TCAIM: variants seen among roughly 807,000 people sequenced by gnomAD.
TCAIM encodes the protein T cell activation inhibitor, mitochondrial, also known as T-cell activation inhibitor, mitochondrial.
In TCAIM, 36 loss-of-function variants were observed where a neutral mutation model predicts 58.6. The ratio of observed to expected loss-of-function variants is 0.61; its 90% CI spans 0.47 to 0.81. The LOEUF (loss-of-function observed/expected upper bound fraction) is 0.81. Ranked by LOEUF, TCAIM falls within the 30% of genes least tolerant of loss-of-function variation. The probability of loss-of-function intolerance (pLI) is 0.00; values close to 1 mark genes in which losing one functional copy is unlikely to be tolerated. For synonymous variants in TCAIM, 172 were observed against 193.6 expected (o/e 0.89, Z 0.93); for missense variants, 466 against 579.6 (o/e 0.80, Z 2.01).
chr3:44,406,801 A>G (rs1243295163), intron 10 of TCAIM, among the ~76,000 whole-genome samples: 1 of 152,196 alleles, frequency 6.6e-6, no homozygotes. Flanking sequence ...GAATCCACTT[A>G]TCAAAACACT....
rs558681001 is a variant in TCAIM at position 44,368,956 on chromosome 3, G to A, written c.572+1248G>A. On this transcript the variant is annotated intron_variant, in intron 5 of 10. Coordinates refer to ENST00000342649, the MANE Select transcript of TCAIM (RefSeq NM_173826.4). Reference sequence around the variant, plus strand: ...GAAGATCCCTTGAGCACAGGAGTTTGAGGCTGCGGTGAACTATGATTGTGC... The same window carrying A: ...GAAGATCCCTTGAGCACAGGAGTTTAAGGCTGCGGTGAACTATGATTGTGC... 9.2e-5 allele frequency among the ~76,000 whole-genome samples: 14 copies of A among 152,304 alleles called. No homozygotes were observed. In the South Asian group the frequency reaches 2.7e-3, roughly 29 times the overall value.
chr3:44,395,548 G>A (rs1004198877), intron 6 of TCAIM, among the ~76,000 whole-genome samples: 2 of 152,210 alleles, frequency 1.3e-5, no homozygotes, highest in Non-Finnish European at 2.9e-5. Context: ...GACAGCACTC[G>A]AGACCGGTGC....
intron 4 of TCAIM, among the ~76,000 whole-genome samples, chr3:44,365,724 T>C (rs1575251688): frequency 1.3e-5 from 2 of 152,364 alleles, no homozygotes; most frequent in East Asian, 3.9e-4. Context: ...GTTCCATATC[T>C]GCATCATCTA....
intron 1 of TCAIM, among the ~76,000 whole-genome samples, chr3:44,347,789 G>A (rs1221181327): frequency 6.6e-6 from 1 of 152,156 alleles, no homozygotes; most frequent in South Asian, 2.1e-4. Flanking sequence ...AGCAGGGTAA[G>A]AGTGATTAGT....
chr3:44,385,380 C>T (rs1701722063), intron 5 of TCAIM, among the ~76,000 whole-genome samples: 1 of 152,116 alleles, frequency 6.6e-6, no homozygotes, highest in South Asian at 2.1e-4. Context: ...GATCCATATA[C>T]TTATTTAAAT....
At chr3:44,396,254 G>T in intron 6 of TCAIM, 146 bp from the exon 7 acceptor site, 3 of 577,476 alleles carry the variant, frequency 5.2e-6, no homozygotes, top group Non-Finnish European at 8.6e-6. Flanking sequence ...AGCTAGCTTA[G>T]AAACATATGA....
At chr3:44,357,156 T>C (rs943358776) in intron 2 of TCAIM, among the ~76,000 whole-genome samples, 3 of 152,090 alleles carry the variant, frequency 2.0e-5, no homozygotes, top group Non-Finnish European at 4.4e-5. Context: ...TGTAATCCCA[T>C]TGCTTTGAGA....
chr3:44,360,449 A>T lies in TCAIM; in HGVS notation c.166-916A>T, dbSNP rs567893083. ...GATGCACAGGATTTTTGGGTTTTTTAAAAAATCCTCTTTAATTTAATTTAA... is the reference window on the plus strand; with the variant it reads ...GATGCACAGGATTTTTGGGTTTTTTTAAAAATCCTCTTTAATTTAATTTAA... On this transcript the variant is annotated intron_variant, in intron 3 of 10. Transcript: ENST00000342649. Among the ~76,000 whole-genome samples the T allele has an allele frequency of 4.6e-5, 7 of 152,148 alleles. No individual in the cohort carries two copies. The South Asian group carries it at 8.3e-4, about 18-fold the overall frequency.
Position 44,409,447 on chromosome 3 carries a change from G to A in TCAIM, c.*1765G>A, listed in dbSNP as rs1018688333. ...TACATAATAAATAATACATCAACCA[G>A]ATAACTGTTTTTTTCTTGTTACCCA... On this transcript the variant is annotated 3_prime_UTR_variant, in exon 11 of 11. Coordinates refer to ENST00000342649, the MANE Select transcript of TCAIM (RefSeq NM_173826.4). The A allele has an allele frequency of 2.0e-5, 3 of 152,182 alleles. No homozygotes were observed. The highest frequency in any genetic ancestry group is 2.0e-4 in the Admixed American group (3 of 15,284). 9.4% of individuals were successfully genotyped at this position (152,182 alleles called of 1,614,324 possible). A position where few individuals can be genotyped will look rare whatever the true frequency, so the allele number is the denominator to read the frequency against.
At chr3:44,354,419 T>G (rs1701152296) in intron 1 of TCAIM, among the ~76,000 whole-genome samples, 1 of 152,182 alleles carries the variant, frequency 6.6e-6, no homozygotes, top group Admixed American at 6.5e-5. Flanking sequence ...TTTATAAACT[T>G]TAGAATCCAT....
intron 3 of TCAIM, chr3:44,359,021 T>A (rs2125633547): frequency 1.0e-6 from 1 of 983,084 alleles, no homozygotes. Context: ...AGTTTTTAAA[T>A]TCAAAATGTA....
At chr3:44,359,963 C>T (rs920721292) in intron 3 of TCAIM, among the ~76,000 whole-genome samples, 1 of 152,150 alleles carries the variant, frequency 6.6e-6, no homozygotes, top group African/African-American at 2.4e-5. Context: ...GTGTCAAGCC[C>T]TTGCCCTAGC....
chr3:44,359,143 A>AG (rs1426067797), intron 3 of TCAIM: 21 of 914,684 alleles, frequency 2.3e-5, no homozygotes, highest in Non-Finnish European at 2.6e-5. Flanking sequence ...CCCAGCTACT[A>AG]GGGAGGCTGA....
chr3:44,364,017 C>T (rs1299319299), intron 4 of TCAIM, among the ~76,000 whole-genome samples: 2 of 149,314 alleles, frequency 1.3e-5, no homozygotes, highest in Non-Finnish European at 3.0e-5. Context: ...CAACCTCTGC[C>T]TCCCAGGTTC....
chr3:44,405,577 G>A (rs899739664), intron 10 of TCAIM, among the ~76,000 whole-genome samples: 2 of 152,112 alleles, frequency 1.3e-5, no homozygotes, highest in African/African-American at 2.4e-5. Flanking sequence ...GGAAGCTGAG[G>A]CAGGAGGTTT....
chr3:44,352,544 C>T (rs1349485355), intron 1 of TCAIM, among the ~76,000 whole-genome samples: 1 of 152,156 alleles, frequency 6.6e-6, no homozygotes, highest in Non-Finnish European at 1.5e-5. Flanking sequence ...CATATACTCA[C>T]ATCCCTACTC....
At chr3:44,361,119 A>T (rs1701288849) in intron 3 of TCAIM, among the ~76,000 whole-genome samples, 1 of 152,198 alleles carries the variant, frequency 6.6e-6, no homozygotes, top group African/African-American at 2.4e-5. Context: ...AAGGAATTCA[A>T]CCATGTTTTC....
At chr3:44,366,685 C>G (rs2125637315) in intron 4 of TCAIM, among the ~76,000 whole-genome samples, 1 of 151,802 alleles carries the variant, frequency 6.6e-6, no homozygotes, top group Admixed American at 6.6e-5. Flanking sequence ...CCAGGATAGT[C>G]TCGATCTCCT....
At chr3:44,344,145 G>A (rs1342156760) in intron 1 of TCAIM, among the ~76,000 whole-genome samples, 3 of 151,370 alleles carry the variant, frequency 2.0e-5, no homozygotes, top group Non-Finnish European at 2.9e-5. Flanking sequence ...CCAAGTAGCT[G>A]GAATTACAGG....
Sources: gnomAD v4.1 joint callset for allele counts (sites outside exome capture counted in the v4.1 genomes callset) on GRCh38, gnomAD v4.1.1 for gene constraint, MANE v1.5 for transcripts, NCBI Gene and HGNC (gene_info 2026-07-23, HGNC 2026-07-21) for gene names.